The following HECTD4 variants were observed in gnomAD, a reference collection of about 807,000 sequenced individuals.
HECTD4 encodes the protein probable E3 ubiquitin-protein ligase HECTD4.
In HECTD4, 114 loss-of-function variants were observed where a neutral mutation model predicts 471.5. The ratio of observed to expected loss-of-function variants is 0.24; its 90% CI spans 0.21 to 0.28. The LOEUF (loss-of-function observed/expected upper bound fraction) is 0.28, where lower values mean the gene tolerates loss of function less well. HECTD4 is among the 10% of genes least tolerant of loss of function. HECTD4 has a pLI of 1.00. For synonymous variants in HECTD4, 2,012 were observed against 2,256.0 expected (o/e 0.89, Z 3.07); for missense variants, 3,866 against 5,651.5 (o/e 0.68, Z 10.13).
Position 112,179,299 on chromosome 12 carries a change from T to C in HECTD4, c.11086A>G (p.Ile3696Val), listed in dbSNP as rs1011280155. The change falls in exon 63 of 76, where the codon ATC becomes GTC. Residue 3696 changes from isoleucine (I) to valine (V), a missense_variant. This residue lies in a region of HECTD4 where 715 missense variants were observed against 1,087.6 expected (regional missense o/e 0.66). Coordinates refer to ENST00000682272, the MANE Select transcript of HECTD4 (RefSeq NM_001388303.1). This position sits in a 1 kb window ranked among gnomAD's most constrained non-coding sequence, Gnocchi z 4.3. ...QTLSLTPAKP[I>V]RVSDIYLSKE... ...CTAAGATAAATGTCAGAGACTCTGA[T>C]GGGCTTCGCTGGTGTCAGGCTCAGC... 4.3e-6 allele frequency: 7 copies of C among 1,613,322 alleles called. No homozygotes were observed. The highest frequency in any genetic ancestry group is 5.1e-6 in the Non-Finnish European group (6 of 1,179,694).
intron 1 of HECTD4, among the ~76,000 whole-genome samples, chr12:112,335,450 T>C (rs1042537536): frequency 6.6e-6 from 1 of 152,102 alleles, no homozygotes; most frequent in African/African-American, 2.4e-5. Flanking sequence ...CCCAGCACTT[T>C]GGGAGGCCGA....
Position 112,266,907 on chromosome 12 carries a change from C to G in HECTD4, c.2392+5G>C, listed in dbSNP as rs1284510874. ...GTTCAAAGATAATTAAAGGATAATTCTTACCTTCTGTTAAGACCAGTTTAA... is the reference window on the plus strand; with the variant it reads ...GTTCAAAGATAATTAAAGGATAATTGTTACCTTCTGTTAAGACCAGTTTAA... On this transcript the variant is annotated splice_donor_5th_base_variant and intron_variant, in intron 14 of 75. Coordinates refer to ENST00000682272, the MANE Select transcript of HECTD4 (RefSeq NM_001388303.1). The G allele has an allele frequency of 1.4e-6, 2 of 1,402,328 alleles. No individual in the cohort carries two copies. Among genetic ancestry groups the G allele is most frequent in the Non-Finnish European group, 2.0e-6 (2 of 1,011,116 alleles). The allele number at this position is 1,402,328 out of a possible 1,614,324, so 86.9% of individuals were successfully genotyped here.
chr12:112,258,102 T>C (rs567396164), intron 20 of HECTD4, among the ~76,000 whole-genome samples: 1 of 152,014 alleles, frequency 6.6e-6, no homozygotes, highest in African/African-American at 2.4e-5. Context: ...GACAGGAGAA[T>C]TGCTTGAACC....
rs751370354 is a variant in HECTD4 at position 112,170,451 on chromosome 12, C to T, written c.11934G>A (p.Gly3978=). 3.7e-6 allele frequency: 6 copies of T among 1,613,802 alleles called. No individual in the cohort carries two copies. Among genetic ancestry groups the T allele is most frequent in the Non-Finnish European group, 2.5e-6 (3 of 1,179,866 alleles). The change falls in exon 69 of 76, where the codon GGG becomes GGA. Residue 3978 remains glycine, a splice_region_variant and synonymous_variant. Transcript: ENST00000682272. The part of the protein sequence containing the change: ...SIAALLKEAK[G]LIFYDTKVTV... ...TCACCTTCGTGTCATAGAAGATCAG[C>T]CCTAAGGAGAGGAACGTGGGAGAGG...
At chr12:112,259,062 G>C in intron 19 of HECTD4, 50 bp downstream of exon 19, 4 of 1,521,700 alleles carry the variant, frequency 2.6e-6, no homozygotes, top group Non-Finnish European at 3.5e-6. Context: ...GCCATCCTGT[G>C]AAGCAGGTTG....
At chr12:112,165,349 ATTTT>A (rs35375585) in intron 72 of HECTD4, among the ~76,000 whole-genome samples, 5 of 128,464 alleles carry the variant, frequency 3.9e-5, no homozygotes, top group East Asian at 2.5e-4. Context: ...AGAGCAACTA[ATTTT>A]TTTTTTTTTT....
At position 112,185,386 on chromosome 12, in the gene HECTD4, G is replaced by A; in HGVS notation, c.9580C>T (p.Pro3194Ser). Residue 3194 changes from proline (P) to serine (S), a missense_variant, in exon 61 of 76, where the codon CCC becomes TCC. Transcript: ENST00000682272. ...GCGATTGAGGAGGACAGGCCAGCGG[G>A]GTGCCGCCTCTGCTCCAGGGTGTGC... ...TVHTLEQRRH[P>S]AGLSSSIALQ... 1 of 1,612,260 alleles carries A rather than the reference G, an allele frequency of 6.2e-7. No individual in the cohort carries two copies. Among genetic ancestry groups the A allele is most frequent in the Non-Finnish European group, 8.5e-7 (1 of 1,179,462 alleles).
At chr12:112,176,255 T>C (rs2031442999) in intron 65 of HECTD4, among the ~76,000 whole-genome samples, 1 of 152,278 alleles carries the variant, frequency 6.6e-6, no homozygotes, top group Non-Finnish European at 1.5e-5. Flanking sequence ...CAGTGCCTTC[T>C]AGAACAAAGC....
At chr12:112,277,807 A>G (rs2034557591) in intron 9 of HECTD4, among the ~76,000 whole-genome samples, 1 of 152,230 alleles carries the variant, frequency 6.6e-6, no homozygotes, top group Admixed American at 6.5e-5. Context: ...ATAACTCTCC[A>G]TAATGTGTCA....
chr12:112,190,390 G>A (rs1418446994), intron 60 of HECTD4, among the ~76,000 whole-genome samples: 1 of 152,126 alleles, frequency 6.6e-6, no homozygotes, highest in East Asian at 1.9e-4. Flanking sequence ...CATTCCATGA[G>A]TTTTGCAACC....
rs2135580260 is a variant in HECTD4, at chr12:112,243,575, T to C, written c.4791+45A>G. The C allele has an allele frequency of 6.2e-7, 1 of 1,602,000 alleles. No individual in the cohort carries two copies. The highest frequency in any genetic ancestry group is 1.7e-5 in the Admixed American group (1 of 58,184). Reference sequence around the variant, plus strand: ...CTGCTAACTGCCGCAAGACCCCGCATGCTGTTAGGTGCTATTCATCTGGAG... The same window carrying C: ...CTGCTAACTGCCGCAAGACCCCGCACGCTGTTAGGTGCTATTCATCTGGAG... On this transcript the variant is annotated intron_variant, in intron 31 of 75. Coordinates refer to ENST00000682272, the MANE Select transcript of HECTD4 (RefSeq NM_001388303.1). This position sits in a 1 kb window ranked among gnomAD's most constrained non-coding sequence, Gnocchi z 6.6.
In HECTD4 at chr12:112,228,825, T is replaced by G; in HGVS notation, c.6520-14A>C. The G allele has an allele frequency of 6.2e-7, 1 of 1,612,928 alleles. No individual in the cohort carries two copies. Among genetic ancestry groups the G allele is most frequent in the Non-Finnish European group, 8.5e-7 (1 of 1,179,584 alleles). On this transcript the variant is annotated splice_polypyrimidine_tract_variant and intron_variant, in intron 41 of 75. Transcript: ENST00000682272. The surrounding 1 kb of genome is among the most constrained non-coding windows in gnomAD (Gnocchi z 4.9). ...TCTACCTAAAACCTGGAGACAGACA[T>G]AGATTAGCACTACCAACCAGCTCTG...
chr12:112,217,320 C>CACACACACACACAT, intron 45 of HECTD4, 125 bp from the exon 46 acceptor site: 1 of 384,274 alleles, frequency 2.6e-6, no homozygotes, highest in South Asian at 6.5e-5. Context: ...CACACACATA[C>CACACACACACACAT]ACACACACAC....
intron 41 of HECTD4, 59 bp downstream of exon 41, chr12:112,229,639 T>C (rs1354045101): frequency 1.3e-6 from 2 of 1,483,960 alleles, no homozygotes; most frequent in Non-Finnish European, 9.2e-7. Flanking sequence ...GATCAATTAA[T>C]TAATGGATGC....
chr12:112,212,577 C>T lies in HECTD4; in HGVS notation c.7539G>A (p.Arg2513=), dbSNP rs777566885. 1 of 1,613,708 alleles carries T rather than the reference C, an allele frequency of 6.2e-7. No homozygotes were observed. The highest frequency in any genetic ancestry group is 8.5e-7 in the Non-Finnish European group (1 of 1,179,844). ...GCTGCCCGCAGTATGTGAAGTACACCCGGCCCTTGGCTGGCTGTCCCGGAG... is the reference window on the plus strand; with the variant it reads ...GCTGCCCGCAGTATGTGAAGTACACTCGGCCCTTGGCTGGCTGTCCCGGAG... The part of the protein sequence containing the change: ...PPPPGQPAKG[R]VYFTYCGQRL... The change falls in exon 49 of 76, where the codon CGG becomes CGA. Residue 2513 remains arginine, a synonymous_variant. Coordinates refer to ENST00000682272, the MANE Select transcript of HECTD4 (RefSeq NM_001388303.1).
chr12:112,238,695 T>C (rs2033572161), intron 34 of HECTD4, among the ~76,000 whole-genome samples: 1 of 152,176 alleles, frequency 6.6e-6, no homozygotes, highest in South Asian at 2.1e-4. Flanking sequence ...ATTGCACCAC[T>C]GTACCCTAGC....
chr12:112,193,031 T>C lies in HECTD4; in HGVS notation c.9086+30A>G, dbSNP rs758213820. The C allele has an allele frequency of 2.3e-5, 37 of 1,612,888 alleles. No individual in the cohort carries two copies. Among genetic ancestry groups the C allele is most frequent in the Non-Finnish European group, 1.7e-6 (2 of 1,179,218 alleles). ...AATTCATTTAGCTTTCCTCTCCCCA[T>C]CACCATCTTCTTGAGAACAGGCAAC... On this transcript the variant is annotated intron_variant, in intron 58 of 75. Transcript: ENST00000682272. The surrounding 1 kb of genome is among the most constrained non-coding windows in gnomAD (Gnocchi z 5.2).
rs950911000 is a variant in HECTD4, at chr12:112,239,339, T to C, written c.5106-103A>G. Reference sequence around the variant, plus strand: ...GGCATAAAACATGCTGGTGCAGCTCTTTCCCTACAACTTAGGATACTGCCA... The same window carrying C: ...GGCATAAAACATGCTGGTGCAGCTCCTTCCCTACAACTTAGGATACTGCCA... On this transcript the variant is annotated intron_variant, in intron 33 of 75. Transcript: ENST00000682272. This position sits in a 1 kb window ranked among gnomAD's most constrained non-coding sequence, Gnocchi z 4.9. 9 of 975,890 alleles carry C rather than the reference T, an allele frequency of 9.2e-6. No homozygotes were observed. The highest frequency in any genetic ancestry group is 5.0e-5 in the African/African-American group (3 of 60,596). 60.5% of individuals were successfully genotyped at this position (975,890 alleles called of 1,614,324 possible). A position where few individuals can be genotyped will look rare whatever the true frequency, so the allele number is the denominator to read the frequency against.
intron 1 of HECTD4, among the ~76,000 whole-genome samples, chr12:112,359,323 G>A (rs1156610304): frequency 7.4e-5 from 11 of 147,874 alleles, no homozygotes; most frequent in Non-Finnish European, 1.2e-4. Context: ...TAATATAAAC[G>A]AACAAAAAAG....
Sources: allele counts gnomAD v4.1 joint callset (sites outside exome capture counted in the v4.1 genomes callset), GRCh38; gene constraint gnomAD v4.1.1; regional missense constraint gnomAD v4.1.1; non-coding constraint Gnocchi (gnomAD v3.1); transcripts MANE v1.5; gene names NCBI Gene and HGNC (gene_info 2026-07-23, HGNC 2026-07-21).